Variants in ENOX1 observed in about 807,000 individuals in gnomAD.
ENOX1 encodes candidate growth-related and time keeping constitutive hydroquinone (NADH) oxidase.
In ENOX1, 42 loss-of-function variants were observed where a neutral mutation model predicts 82.5. The ratio of observed to expected loss-of-function variants is 0.51; its 90% CI spans 0.40 to 0.66. ENOX1 has a LOEUF of 0.66. Among genes scored for constraint, ENOX1 ranks in the 30% least tolerant of loss-of-function variants. ENOX1 has a pLI of 0.00. For missense variants in ENOX1, 608 were observed against 811.6 expected (o/e 0.75, Z 3.05); for synonymous variants, 271 against 282.2 (o/e 0.96, Z 0.40).
intron 3 of ENOX1, among the ~76,000 whole-genome samples, chr13:43,439,662 C>CG (rs11386704): frequency 0.46 from 70,178 of 151,916 alleles, 16,452 homozygotes; most frequent in South Asian, 0.56. Flanking sequence ...TATAGCAACT[C>CG]GTTCTTTAAC....
chr13:43,652,737 TA>T (rs959644597), intron 2 of ENOX1, among the ~76,000 whole-genome samples: 8 of 152,162 alleles, frequency 5.3e-5, no homozygotes, highest in Non-Finnish European at 1.0e-4. Context: ...CTGACTTTCA[TA>T]GTGGGCAGGA....
At chr13:43,426,258 T>A (rs1485060621) in intron 3 of ENOX1, among the ~76,000 whole-genome samples, 1 of 152,142 alleles carries the variant, frequency 6.6e-6, no homozygotes, top group Non-Finnish European at 1.5e-5. Flanking sequence ...AGAATACAGA[T>A]GAGAGAGAAA....
chr13:43,265,718 T>G (rs760323196), intron 13 of ENOX1, among the ~76,000 whole-genome samples: 1 of 152,254 alleles, frequency 6.6e-6, no homozygotes, highest in Non-Finnish European at 1.5e-5. Context: ...AGCAGTTCCA[T>G]AGGCATAAAA....
chr13:43,262,128 C>G (rs1593588128), intron 14 of ENOX1, among the ~76,000 whole-genome samples: 2 of 152,214 alleles, frequency 1.3e-5, no homozygotes, highest in East Asian at 3.9e-4. Flanking sequence ...GCTTTTCCCT[C>G]TGGTCATATA....
intron 3 of ENOX1, among the ~76,000 whole-genome samples, chr13:43,440,526 T>G (rs2056303180): frequency 6.6e-6 from 1 of 152,132 alleles, no homozygotes; most frequent in Admixed American, 6.5e-5. Flanking sequence ...ACAAAAAAAT[T>G]ATCAAAATCA....
In ENOX1 at chr13:43,293,599, T is replaced by C. The variant is rs543310230; in HGVS notation, c.1446+4747A>G. On this transcript the variant is annotated intron_variant, in intron 12 of 16. Transcript: ENST00000690772. The stretch of plus-strand genomic sequence containing the variant: ...ACATATAACATCAGACTTAATTACA[T>C]GTGAGTTTTGGGGAGGAATTGAGTG... Among the ~76,000 whole-genome samples the C allele has an allele frequency of 1.8e-3, 267 of 152,314 alleles. 1 individual carries two copies. The highest frequency in any genetic ancestry group is 0.014 in the Middle Eastern group (4 of 294).
Position 43,487,346 on chromosome 13 carries a change from T to C in ENOX1, c.-218-3194A>G, listed in dbSNP as rs150751857. On this transcript the variant is annotated intron_variant, in intron 2 of 16. Transcript: ENST00000690772. Reference sequence around the variant, plus strand: ...AGAAAGTAGCATTTAAGATCAACTATAAGTAAACAGAGAGACATGATTAGG... The same window carrying C: ...AGAAAGTAGCATTTAAGATCAACTACAAGTAAACAGAGAGACATGATTAGG... Among the ~76,000 whole-genome samples the C allele has an allele frequency of 1.1e-3, 162 of 152,286 alleles. 1 individual carries two copies. Among genetic ancestry groups the C allele is most frequent in the East Asian group, 0.01 (52 of 5,182 alleles).
chr13:43,589,216 G>GAAAAAA (rs58912569), intron 2 of ENOX1, among the ~76,000 whole-genome samples: 104 of 79,672 alleles, frequency 1.3e-3, no homozygotes, highest in Non-Finnish European at 1.5e-3. Flanking sequence ...GACATTAATG[G>GAAAAAA]AAAAAAAAAA....
intron 3 of ENOX1, among the ~76,000 whole-genome samples, chr13:43,446,024 C>T (rs2056632701): frequency 6.6e-6 from 1 of 152,208 alleles, no homozygotes; most frequent in Admixed American, 6.5e-5. Context: ...TTTCCAGGTT[C>T]CACAGTAGTC....
intron 5 of ENOX1, among the ~76,000 whole-genome samples, chr13:43,373,305 C>G (rs1227706297): frequency 6.6e-6 from 1 of 152,126 alleles, no homozygotes. Context: ...AGTTTCTCTA[C>G]AAAAGAAACT....
At chr13:43,350,370 C>T (rs138492311) in intron 8 of ENOX1, among the ~76,000 whole-genome samples, 1 of 152,146 alleles carries the variant, frequency 6.6e-6, no homozygotes, top group South Asian at 2.1e-4. Flanking sequence ...TGGCACAAAG[C>T]GATGGGTACC....
At chr13:43,325,852 C>T (rs1406968290) in intron 10 of ENOX1, among the ~76,000 whole-genome samples, 1 of 152,136 alleles carries the variant, frequency 6.6e-6, no homozygotes, top group Non-Finnish European at 1.5e-5. Flanking sequence ...AGACTGTTCT[C>T]TTGGGGGTAG....
At chr13:43,270,823 G>A (rs1869683394) in intron 12 of ENOX1, among the ~76,000 whole-genome samples, 1 of 152,194 alleles carries the variant, frequency 6.6e-6, no homozygotes, top group Non-Finnish European at 1.5e-5. Context: ...TTCACCACCT[G>A]CCCATGGAAT....
chr13:43,396,023 C>A (rs767227129), intron 5 of ENOX1, among the ~76,000 whole-genome samples: 16 of 152,212 alleles, frequency 1.1e-4, no homozygotes, highest in South Asian at 4.1e-4. Context: ...GCATGTACCC[C>A]GGTTACCTCT....
intron 2 of ENOX1, among the ~76,000 whole-genome samples, chr13:43,613,277 T>C (rs2082275252): frequency 6.6e-6 from 1 of 152,176 alleles, no homozygotes; most frequent in Non-Finnish European, 1.5e-5. Context: ...AAACAGTTTC[T>C]AGGAAGTCTA....
At chr13:43,298,292 T>C (rs529395170) in intron 12 of ENOX1, 54 bp downstream of exon 12, 1 of 1,515,766 alleles carries the variant, frequency 6.6e-7, no homozygotes, top group East Asian at 2.3e-5. Flanking sequence ...CCATTTTCAT[T>C]TAATACACAT....
intron 16 of ENOX1, among the ~76,000 whole-genome samples, chr13:43,223,598 A>G (rs946491260): frequency 1.3e-5 from 2 of 152,190 alleles, no homozygotes; most frequent in Non-Finnish European, 2.9e-5. Flanking sequence ...CAACGCTGGA[A>G]AACAGCCATT....
intron 3 of ENOX1, among the ~76,000 whole-genome samples, chr13:43,470,289 TATATACAC>T (rs2057952770): frequency 1.6e-5 from 1 of 64,128 alleles, no homozygotes; most frequent in Non-Finnish European, 3.5e-5. Context: ...TATACATATA[TATATACAC>T]ATATATATAC....
At chr13:43,624,697 T>C (rs1406395414) in intron 2 of ENOX1, among the ~76,000 whole-genome samples, 1 of 151,826 alleles carries the variant, frequency 6.6e-6, no homozygotes, top group East Asian at 1.9e-4. Flanking sequence ...ATCATGCAAA[T>C]ATGCACTTCT....
Sources: allele counts gnomAD v4.1 joint callset (sites outside exome capture counted in the v4.1 genomes callset), GRCh38; gene constraint gnomAD v4.1.1; transcripts MANE v1.5; gene names NCBI Gene and HGNC (gene_info 2026-07-23, HGNC 2026-07-21).